Variants in SCP2 observed in about 807,000 individuals in gnomAD.
SCP2 encodes the protein SCP-2/3-oxoacyl-CoA thiolase.
In SCP2, 48 loss-of-function variants were observed where a neutral mutation model predicts 71.4. The observed-to-expected ratio is 0.67, with a 90% CI of 0.53 to 0.86. The LOEUF is 0.86. Ranked by LOEUF, SCP2 falls within the 40% of genes least tolerant of loss-of-function variation. The pLI is 0.00. For synonymous variants in SCP2, 220 were observed against 218.1 expected (o/e 1.01, Z -0.08); for missense variants, 560 against 655.6 (o/e 0.85, Z 1.59).
chr1:52,930,052 A>C (rs1652997840), intron 1 of SCP2, among the ~76,000 whole-genome samples: 1 of 152,234 alleles, frequency 6.6e-6, no homozygotes, highest in Non-Finnish European at 1.5e-5. Flanking sequence ...TTCAAGAACT[A>C]GGCTAAGTCC....
intron 10 of SCP2, among the ~76,000 whole-genome samples, chr1:52,982,393 AC>A (rs1400118466): frequency 3.3e-5 from 5 of 151,880 alleles, no homozygotes; most frequent in Non-Finnish European, 7.4e-5. Flanking sequence ...ACACGGTGAA[AC>A]CCCCTCTCTA....
rs181376596 is a variant in SCP2 at position 53,044,815 on chromosome 1, A to G, written c.1469-3043A>G. The stretch of plus-strand genomic sequence containing the variant: ...AACCTCTCATTTGGACAAGGTAGAC[A>G]TGGCTGATTTAGCAATGAGATATTA... On this transcript the variant is annotated intron_variant, in intron 14 of 15. Transcript: ENST00000371514. Among the ~76,000 whole-genome samples the G allele has an allele frequency of 2.1e-3, 320 of 152,358 alleles. 1 individual carries two copies. Among genetic ancestry groups the G allele is most frequent in the African/African-American group, 7.0e-3 (291 of 41,594 alleles).
At chr1:52,942,124 G>T (rs532761658) in intron 2 of SCP2, among the ~76,000 whole-genome samples, 7 of 152,286 alleles carry the variant, frequency 4.6e-5, no homozygotes, top group Admixed American at 3.9e-4. Flanking sequence ...GAGAGGTAGG[G>T]TCATTAAAAG....
intron 5 of SCP2, among the ~76,000 whole-genome samples, chr1:52,960,717 CGTGTGTGT>C (rs145935532): frequency 7.7e-5 from 8 of 104,064 alleles, no homozygotes; most frequent in East Asian, 2.5e-4. Context: ...ATATTATGTG[CGTGTGTGT>C]GTGTGTGTGT....
intron 5 of SCP2, among the ~76,000 whole-genome samples, chr1:52,955,419 C>T (rs774201406): frequency 6.6e-6 from 1 of 152,000 alleles, no homozygotes; most frequent in Non-Finnish European, 1.5e-5. Flanking sequence ...ATTGATACTA[C>T]GTAAGGTAAA....
rs751602154 is a variant in SCP2, at chr1:53,038,901, T to A, written c.1339-16T>A. ...AAATGGACTTAATGTAACCCCAGTG[T>A]TATTTTTCTTTCCAGGAAGGGGAAC... On this transcript the variant is annotated splice_polypyrimidine_tract_variant and intron_variant, in intron 13 of 15. Coordinates refer to ENST00000371514, the MANE Select transcript of SCP2 (RefSeq NM_002979.5). 37 of 1,613,654 alleles carry A rather than the reference T, an allele frequency of 2.3e-5. No homozygotes were observed. The South Asian group carries it at 3.8e-4, about 17-fold the overall frequency.
chr1:52,979,579 C>T (rs1171194841), intron 9 of SCP2, among the ~76,000 whole-genome samples: 1 of 152,020 alleles, frequency 6.6e-6, no homozygotes, highest in Non-Finnish European at 1.5e-5. Flanking sequence ...GGTTTGAATC[C>T]TAGATGATCT....
At chr1:52,932,297 A>C (rs1175050528) in intron 1 of SCP2, among the ~76,000 whole-genome samples, 1 of 152,226 alleles carries the variant, frequency 6.6e-6, no homozygotes, top group South Asian at 2.1e-4. Context: ...TTCTCAACAG[A>C]AACCTTGGAT....
chr1:53,034,462 A>G (rs565341144), intron 13 of SCP2, among the ~76,000 whole-genome samples: 17 of 152,226 alleles, frequency 1.1e-4, no homozygotes, highest in Non-Finnish European at 1.9e-4. Flanking sequence ...TGGAGGAGAC[A>G]GGGAATGACT....
intron 5 of SCP2, 145 bp from the exon 6 acceptor site, chr1:52,961,358 C>T: frequency 1.3e-6 from 1 of 774,762 alleles, no homozygotes. Flanking sequence ...CCCTGTGGAG[C>T]ATGTCTTAAC....
intron 5 of SCP2, among the ~76,000 whole-genome samples, chr1:52,960,136 C>T (rs977924797): frequency 5.9e-5 from 9 of 151,958 alleles, no homozygotes; most frequent in Non-Finnish European, 4.4e-5. Flanking sequence ...GTGATCCGCC[C>T]GCCTGGCCTC....
Position 52,991,067 on chromosome 1 carries a change from G to A in SCP2, c.1081+2931G>A, listed in dbSNP as rs1659453338. Among the ~76,000 whole-genome samples the A allele has an allele frequency of 1.3e-5, 2 of 152,136 alleles. 1 individual carries two copies. The highest frequency in any genetic ancestry group is 4.8e-5 in the African/African-American group (2 of 41,434). On this transcript the variant is annotated intron_variant, in intron 11 of 15. Transcript: ENST00000371514. ...GAATGGAAAGTGATATATATGTAAGGGATGTACCTGAATTATAGGTACGTG... is the reference window on the plus strand; with the variant it reads ...GAATGGAAAGTGATATATATGTAAGAGATGTACCTGAATTATAGGTACGTG...
chr1:52,948,177 A>G, intron 3 of SCP2, 97 bp downstream of exon 3: 1 of 806,112 alleles, frequency 1.2e-6, no homozygotes, highest in South Asian at 1.4e-5. Context: ...AACCCTCAAA[A>G]ACTCAGAATT....
At chr1:53,021,725 A>G (rs781568733) in intron 12 of SCP2, among the ~76,000 whole-genome samples, 1 of 148,348 alleles carries the variant, frequency 6.7e-6, no homozygotes, top group African/African-American at 2.5e-5. Context: ...TCTCACTACA[A>G]TCTCTGCCTC....
At chr1:52,972,847 T>C (rs1443380013) in intron 6 of SCP2, among the ~76,000 whole-genome samples, 5 of 152,382 alleles carry the variant, frequency 3.3e-5, no homozygotes, top group Non-Finnish European at 5.9e-5. Flanking sequence ...AGCAGTCTAA[T>C]TGCTGTACTG....
intron 14 of SCP2, among the ~76,000 whole-genome samples, chr1:53,042,489 C>G (rs1251502931): frequency 6.6e-6 from 1 of 152,170 alleles, no homozygotes; most frequent in African/African-American, 2.4e-5. Context: ...GTTCTTCCCA[C>G]ATTAGGTGCT....
chr1:52,951,031 A>G lies in SCP2; in HGVS notation c.331+145A>G, dbSNP rs148951197. ...TGTGGTGGCTTATGCTTGTAACCCT[A>G]GCACTTTGGGAGGCCGAGGGGGGTG... On this transcript the variant is annotated intron_variant, in intron 4 of 15. Transcript: ENST00000371514. The G allele has an allele frequency of 4.2e-3, 3,894 of 921,900 alleles. 32 individuals carry two copies. The Middle Eastern group carries it at 0.047, about 11-fold the overall frequency. 57.1% of individuals were successfully genotyped at this position (921,900 alleles called of 1,614,324 possible).
chr1:52,927,309 C>G lies in SCP2; in HGVS notation c.-88C>G. ...GTGTTGCCGCCCGCGGCCCTGGCTT[C>G]GGGCTTCAGGGAGCTCTGGTGCAGT... On this transcript the variant is annotated 5_prime_UTR_variant, in exon 1 of 16. Transcript: ENST00000371514. 1 of 1,200,330 alleles carries G rather than the reference C, an allele frequency of 8.3e-7. No individual in the cohort carries two copies. Among genetic ancestry groups the G allele is most frequent in the Non-Finnish European group, 1.2e-6 (1 of 841,816 alleles). The allele number at this position is 1,200,330 out of a possible 1,614,324, so 74.4% of individuals were successfully genotyped here.
intron 5 of SCP2, among the ~76,000 whole-genome samples, chr1:52,958,605 A>G (rs1353692635): frequency 8.3e-6 from 1 of 120,458 alleles, no homozygotes; most frequent in Admixed American, 7.8e-5. Context: ...TAGTTTGTTA[A>G]TATGATGAAT....
Sources: gnomAD v4.1 joint callset for allele counts (sites outside exome capture counted in the v4.1 genomes callset) on GRCh38, gnomAD v4.1.1 for gene constraint, MANE v1.5 for transcripts, NCBI Gene and HGNC (gene_info 2026-07-23, HGNC 2026-07-21) for gene names.